The following CAT variants were observed in gnomAD, a reference collection of about 807,000 sequenced individuals.
CAT encodes catalase.
Under a neutral mutation model 59.0 loss-of-function variants are expected in CAT, and 43 were observed. The observed-to-expected ratio is 0.73, with a 90% confidence interval of 0.57 to 0.94. The LOEUF is 0.94. Among genes scored for constraint, CAT ranks in the 40% least tolerant of loss-of-function variants. The pLI, the probability that CAT is intolerant of heterozygous loss-of-function variation, is 0.00. For synonymous variants in CAT, 218 were observed against 230.9 expected (o/e 0.94, Z 0.51); for missense variants, 664 against 682.9 (o/e 0.97, Z 0.31).
intron 1 of CAT, among the ~76,000 whole-genome samples, chr11:34,446,719 AC>A (rs1216239954): frequency 1.3e-5 from 2 of 149,594 alleles, no homozygotes; most frequent in Non-Finnish European, 3.0e-5. Flanking sequence ...CTTTTCTCAT[AC>A]TTGTACCTTT....
In CAT at chr11:34,461,497, C is replaced by T. The variant is rs1856651561; in HGVS notation, c.1195+108C>T. On this transcript the variant is annotated intron_variant, in intron 9 of 12. Transcript: ENST00000241052. ...CAAGCTGGCCCCGCAGGACCTCCTG[C>T]TTGGTAAAGGTGCTCCCCAGGTGCT... 2.2e-6 allele frequency: 3 copies of T among 1,356,002 alleles called. No individual in the cohort carries two copies. The South Asian group carries it at 3.5e-5, about 16-fold the overall frequency. 84.0% of individuals were successfully genotyped at this position (1,356,002 alleles called of 1,614,324 possible).
chr11:34,456,736 C>G lies in CAT; in HGVS notation c.975C>G (p.Tyr325Ter). ...TCTTAAACCGGAATCCAGTTAATTA[C>G]TTTGCTGAGGTTGAACAGATAGCCT... ...KLVLNRNPVN[Y>*]FAEVEQIAFD... Residue 325 changes from tyrosine to a stop codon, truncating the protein, a stop_gained, in exon 8 of 13, where the codon TAC (tyrosine) becomes TAG (stop). Coordinates refer to ENST00000241052, the MANE Select transcript of CAT (RefSeq NM_001752.4). LOFTEE classifies it high-confidence loss of function. 6.2e-7 allele frequency: 1 copy of G among 1,614,106 alleles called. No homozygotes were observed. Among genetic ancestry groups the G allele is most frequent in the South Asian group, 1.1e-5 (1 of 91,084 alleles).
rs1197326841 is a variant in CAT, at chr11:34,471,025, A to G, written c.1502A>G (p.Asn501Ser). 1.2e-6 allele frequency: 2 copies of G among 1,614,152 alleles called. No homozygotes were observed. Among genetic ancestry groups the G allele is most frequent in the East Asian group, 2.2e-5 (1 of 44,882 alleles). Reference protein sequence around the residue: ...SHIQALLDKYNAEKPKNAIHT... With the variant: ...SHIQALLDKYSAEKPKNAIHT... Reference sequence around the variant, plus strand: ...ATCCAGGCTCTTCTGGACAAGTACAATGCTGAGAAGCCTAAGGTAAGCTGG... The same window carrying G: ...ATCCAGGCTCTTCTGGACAAGTACAGTGCTGAGAAGCCTAAGGTAAGCTGG... The change falls in exon 12 of 13, where the codon AAT (asparagine) becomes AGT (serine). Residue 501 changes from asparagine to serine, a missense_variant. By Grantham distance (46) the Asn-to-Ser change is conservative. Coordinates refer to ENST00000241052, the MANE Select transcript of CAT (RefSeq NM_001752.4).
At chr11:34,454,258 G>T (rs1194484321) in intron 6 of CAT, among the ~76,000 whole-genome samples, 1 of 152,170 alleles carries the variant, frequency 6.6e-6, no homozygotes, top group Admixed American at 6.5e-5. Flanking sequence ...AATTACAAAT[G>T]TCAGAAAACA....
rs190620671 is a variant in CAT, at chr11:34,453,194, G to C, written c.585G>C (p.Gln195His). 1 of 1,580,864 alleles carries C rather than the reference G, an allele frequency of 6.3e-7. No homozygotes were observed. Among genetic ancestry groups the C allele is most frequent in the Non-Finnish European group, 8.7e-7 (1 of 1,149,736 alleles). ...FWSLRPESLH[Q>H]VSFLFSDRGI... ...GCCTACGTCCTGAGTCTCTGCATCA[G>C]GTATGAACCCTTTTTTGCCATTGTA... The change falls in exon 5 of 13, where the codon CAG becomes CAC. Residue 195 changes from glutamine to histidine, a missense_variant and splice_region_variant. Coordinates refer to ENST00000241052, the MANE Select transcript of CAT (RefSeq NM_001752.4).
chr11:34,448,055 T>A lies in CAT; in HGVS notation c.67-1137T>A, dbSNP rs546175518. 1.5e-4 allele frequency among the ~76,000 whole-genome samples: 23 copies of A among 152,310 alleles called. 1 individual carries two copies. In the South Asian group the frequency reaches 4.8e-3, roughly 32 times the overall value. On this transcript the variant is annotated intron_variant, in intron 1 of 12. Coordinates refer to ENST00000241052, the MANE Select transcript of CAT (RefSeq NM_001752.4). ...AGTTTTGCAAATTGCACGGTCTCCT[T>A]TATTCAATATCTTTTTTCAAACAGC...
At chr11:34,456,983 C>A in intron 8 of CAT, 166 bp downstream of exon 8, 1 of 701,176 alleles carries the variant, frequency 1.4e-6, no homozygotes, top group Non-Finnish European at 2.5e-6. Context: ...GTGAACTATT[C>A]TTCAATGAGC....
At chr11:34,450,642 C>T (rs972082977) in intron 2 of CAT, among the ~76,000 whole-genome samples, 1 of 152,160 alleles carries the variant, frequency 6.6e-6, no homozygotes, top group Non-Finnish European at 1.5e-5. Flanking sequence ...ATGTTTTCAT[C>T]TCCTCTTCTC....
rs773195530 is a variant in CAT at position 34,456,041 on chromosome 11, GA to G, written c.744del (p.Asp249MetfsTer36). Reference protein sequence around the residue: ...TDQGIKNLSVEDAARLSQEDP... With the variant: ...TDQGIKNLSVXDAARLSQEDP... ...CCAGGGCATCAAAAACCTTTCTGTT[GA>G]AGATGCGGCGAGACTTTCCCAGGAA... On this transcript the variant is annotated frameshift_variant, in exon 7 of 13. Coordinates refer to ENST00000241052, the MANE Select transcript of CAT (RefSeq NM_001752.4). LOFTEE classifies it high-confidence loss of function. The G allele has an allele frequency of 6.2e-7, 1 of 1,614,036 alleles. No individual in the cohort carries two copies. The highest frequency in any genetic ancestry group is 8.5e-7 in the Non-Finnish European group (1 of 1,179,996).
chr11:34,456,000 T>G lies in CAT; in HGVS notation c.712-11T>G. ...AAGTTTCCATTGGAGCTTCTTTCTT[T>G]CATTTTGTAGACTGACCAGGGCATC... On this transcript the variant is annotated splice_polypyrimidine_tract_variant and intron_variant, in intron 6 of 12. Transcript: ENST00000241052. 1 of 1,612,640 alleles carries G rather than the reference T, an allele frequency of 6.2e-7. No homozygotes were observed. The highest frequency in any genetic ancestry group is 8.5e-7 in the Non-Finnish European group (1 of 1,179,320).
rs1191241855 is a variant in CAT, at chr11:34,464,190, A to C, written c.1281A>C (p.Gly427=). 1 of 1,614,034 alleles carries C rather than the reference A, an allele frequency of 6.2e-7. No individual in the cohort carries two copies. Among genetic ancestry groups the C allele is most frequent in the East Asian group, 2.2e-5 (1 of 44,888 alleles). ...TGGAGCACAGCATCCAATATTCTGG[A>C]GAAGTGCGGAGATTCAACACTGCCA... ...SALEHSIQYS[G]EVRRFNTAND... Residue 427 remains glycine, a synonymous_variant, in exon 10 of 13, where the codon GGA becomes GGC. Transcript: ENST00000241052.
At chr11:34,455,205 A>G (rs1856575344) in intron 6 of CAT, among the ~76,000 whole-genome samples, 1 of 152,218 alleles carries the variant, frequency 6.6e-6, no homozygotes, top group Non-Finnish European at 1.5e-5. Context: ...CAGTAGTAAG[A>G]GTTCAAACCT....
intron 1 of CAT, among the ~76,000 whole-genome samples, chr11:34,445,151 G>C (rs1002040382): frequency 1.3e-5 from 2 of 151,952 alleles, no homozygotes; most frequent in African/African-American, 4.8e-5. Context: ...AGTGTATTAG[G>C]GATCAGGTAT....
At chr11:34,439,709 C>T (rs1444283899) in intron 1 of CAT, among the ~76,000 whole-genome samples, 3 of 152,154 alleles carry the variant, frequency 2.0e-5, no homozygotes, top group African/African-American at 7.2e-5. Flanking sequence ...ATTCTTTGAG[C>T]ACCTGTAGGT....
intron 7 of CAT, 82 bp downstream of exon 7, chr11:34,456,284 T>A: frequency 9.3e-7 from 1 of 1,071,538 alleles, no homozygotes; most frequent in Non-Finnish European, 1.4e-6. Context: ...CAAACAATTA[T>A]AATAATGGGG....
At chr11:34,468,221 G>A (rs970452191) in intron 10 of CAT, 67 bp from the exon 11 acceptor site, 9 of 1,033,418 alleles carry the variant, frequency 8.7e-6, no homozygotes, top group African/African-American at 7.8e-5. Context: ...AAGTGTTGTA[G>A]TAGGTGAATT....
intron 1 of CAT, among the ~76,000 whole-genome samples, chr11:34,448,490 G>A (rs1239861365): frequency 6.6e-6 from 1 of 152,204 alleles, no homozygotes; most frequent in Non-Finnish European, 1.5e-5. Context: ...GGACAGCTGA[G>A]TGTCTTCTGA....
At position 34,454,141 on chromosome 11, in the gene CAT, T is replaced by G. The variant is rs187951962; in HGVS notation, c.711+215T>G. On this transcript the variant is annotated intron_variant, in intron 6 of 12. Coordinates refer to ENST00000241052, the MANE Select transcript of CAT (RefSeq NM_001752.4). ...CCCAATCTCATTATCACTTCCAACA[T>G]CCAATAGTGTCTTTCCAATATCATT... Among the ~76,000 whole-genome samples, 23 of 152,310 alleles carry G rather than the reference T, an allele frequency of 1.5e-4. No individual in the cohort carries two copies. In the East Asian group the frequency reaches 4.4e-3, roughly 29 times the overall value.
At chr11:34,461,729 C>T (rs1175723832) in intron 9 of CAT, among the ~76,000 whole-genome samples, 1 of 152,222 alleles carries the variant, frequency 6.6e-6, no homozygotes, top group East Asian at 1.9e-4. Flanking sequence ...AGACACTTCA[C>T]CAAAATGGAC....
Sources: gnomAD v4.1 joint callset for allele counts (sites outside exome capture counted in the v4.1 genomes callset) on GRCh38, gnomAD v4.1.1 for gene constraint, MANE v1.5 for transcripts, NCBI Gene and HGNC (gene_info 2026-07-23, HGNC 2026-07-21) for gene names.